NAV3: variants seen among roughly 807,000 people sequenced by gnomAD.
The protein encoded by NAV3 is pore membrane and/or filament interacting like protein 1.
Under a neutral mutation model 244.7 loss-of-function variants are expected in NAV3, and 87 were observed. The observed-to-expected ratio is 0.36, with a 90% CI of 0.30 to 0.42. The LOEUF (loss-of-function observed/expected upper bound fraction) is 0.42, where lower values mean the gene tolerates loss of function less well. Among genes scored for constraint, NAV3 ranks in the 20% least tolerant of loss-of-function variants. The pLI is 1.00. For missense variants in NAV3, 2,663 were observed against 2,893.3 expected (o/e 0.92, Z 1.83); for synonymous variants, 1,126 against 1,042.2 (o/e 1.08, Z -1.55).
chr12:78,094,462 T>C (rs17224015), intron 12 of NAV3, among the ~76,000 whole-genome samples: 19,589 of 152,176 alleles, frequency 0.13, 1,252 homozygotes, highest in Non-Finnish European at 0.13. Flanking sequence ...GCCAAAAAAT[T>C]GTACTTTGTA....
chr12:77,997,237 CAAAA>C (rs139557569), intron 6 of NAV3, among the ~76,000 whole-genome samples: 37 of 78,708 alleles, frequency 4.7e-4, no homozygotes, highest in East Asian at 1.4e-3. Context: ...CACCCTGTCT[CAAAA>C]AAAAAAAAAA....
intron 2 of NAV3, among the ~76,000 whole-genome samples, chr12:77,764,867 T>G (rs1264067707): frequency 6.6e-6 from 1 of 152,242 alleles, no homozygotes; most frequent in Non-Finnish European, 1.5e-5. Context: ...ACTATCCCAG[T>G]TCGTGTAACA....
intron 18 of NAV3, among the ~76,000 whole-genome samples, chr12:78,135,522 G>A (rs1956335124): frequency 6.6e-6 from 1 of 152,098 alleles, no homozygotes; most frequent in African/African-American, 2.4e-5. Flanking sequence ...ATTATACAAA[G>A]CCAAAAAGCA....
At chr12:77,836,415 T>G (rs1874643188) in intron 1 of NAV3, among the ~76,000 whole-genome samples, 1 of 152,220 alleles carries the variant, frequency 6.6e-6, no homozygotes. Context: ...AGATTACTTG[T>G]GCAAACTCAA....
chr12:77,941,049 T>C (rs755403782), intron 2 of NAV3, 32 bp from the exon 3 acceptor site: 54 of 1,437,810 alleles, frequency 3.8e-5, no homozygotes, highest in Non-Finnish European at 4.9e-5. Flanking sequence ...TCGTTCTTTT[T>C]TTCTCTCTTT....
intron 7 of NAV3, among the ~76,000 whole-genome samples, chr12:78,003,875 G>A (rs1593250695): frequency 6.6e-6 from 1 of 152,332 alleles, no homozygotes; most frequent in African/African-American, 2.4e-5. Flanking sequence ...TGCTAAAGAA[G>A]AAGGTATATA....
chr12:78,116,953 C>T (rs1188889179), intron 13 of NAV3, 49 bp downstream of exon 13: 2 of 1,597,954 alleles, frequency 1.3e-6, no homozygotes, highest in Non-Finnish European at 1.7e-6. Context: ...AGCTTTTTCC[C>T]CAAAATTACT....
At chr12:77,704,359 GTTT>G (rs890900176) in intron 2 of NAV3, among the ~76,000 whole-genome samples, 2 of 152,070 alleles carry the variant, frequency 1.3e-5, no homozygotes, top group Non-Finnish European at 2.9e-5. Context: ...CCAATCTGAA[GTTT>G]TTAAGATATT....
chr12:77,656,059 G>A (rs1035816952), intron 2 of NAV3, among the ~76,000 whole-genome samples: 2 of 151,118 alleles, frequency 1.3e-5, no homozygotes, highest in Non-Finnish European at 2.9e-5. Flanking sequence ...CTAACGAGCA[G>A]AATAACCAGC....
chr12:78,149,041 G>T (rs904894482), intron 22 of NAV3, 122 bp downstream of exon 22: 2 of 788,232 alleles, frequency 2.5e-6, no homozygotes, highest in Non-Finnish European at 4.0e-6. Context: ...CAACTAGCAG[G>T]ACTCATAAAA....
At chr12:77,956,531 A>G (rs1429226533) in intron 3 of NAV3, among the ~76,000 whole-genome samples, 1 of 152,124 alleles carries the variant, frequency 6.6e-6, no homozygotes, top group Non-Finnish European at 1.5e-5. Context: ...ACATTGTAGC[A>G]GGGTTTGAGT....
intron 1 of NAV3, among the ~76,000 whole-genome samples, chr12:77,849,418 T>C (rs1422969209): frequency 6.6e-6 from 1 of 152,128 alleles, no homozygotes; most frequent in Non-Finnish European, 1.5e-5. Context: ...ATCCAAAAAT[T>C]CAAAATCTGA....
At chr12:77,899,851 T>A (rs919964820) in intron 1 of NAV3, among the ~76,000 whole-genome samples, 2 of 152,194 alleles carry the variant, frequency 1.3e-5, no homozygotes, top group Non-Finnish European at 2.9e-5. Context: ...ACATATTTCT[T>A]TTTTCCTTAA....
intron 14 of NAV3, 29 bp from the exon 15 acceptor site, chr12:78,119,208 C>A: frequency 6.3e-7 from 1 of 1,585,606 alleles, no homozygotes; most frequent in Non-Finnish European, 8.6e-7. Flanking sequence ...TCTACAGGCA[C>A]ATATATTTGT....
chr12:77,615,063 GTA>G (rs1426088833), intron 2 of NAV3, among the ~76,000 whole-genome samples: 1 of 152,058 alleles, frequency 6.6e-6, no homozygotes, highest in Non-Finnish European at 1.5e-5. Context: ...CTTTTTCTTT[GTA>G]TGTATAATGT....
chr12:78,084,222 T>C (rs1953507259), intron 12 of NAV3, among the ~76,000 whole-genome samples: 2 of 152,244 alleles, frequency 1.3e-5, no homozygotes, highest in South Asian at 4.1e-4. Context: ...TCAGTTAGCA[T>C]GTTTACAGCT....
At chr12:77,891,831 T>C (rs1390612306) in intron 1 of NAV3, among the ~76,000 whole-genome samples, 1 of 152,198 alleles carries the variant, frequency 6.6e-6, no homozygotes, top group Non-Finnish European at 1.5e-5. Context: ...TCATCTTAAG[T>C]GCTGGCTCCC....
chr12:78,128,267 T>TAAA (rs33971273), intron 17 of NAV3, among the ~76,000 whole-genome samples: 13,277 of 142,400 alleles, frequency 0.093, 682 homozygotes, highest in East Asian at 0.25. Flanking sequence ...GTTTTTCCTT[T>TAAA]AAAAAAAAAA....
chr12:78,178,403 C>A (rs1232472168), intron 28 of NAV3, among the ~76,000 whole-genome samples: 1 of 151,988 alleles, frequency 6.6e-6, no homozygotes, highest in Non-Finnish European at 1.5e-5. Context: ...TCAAGTGATT[C>A]ACCCACCTCG....
Sources: gnomAD v4.1 joint callset for allele counts (sites outside exome capture counted in the v4.1 genomes callset) on GRCh38, gnomAD v4.1.1 for gene constraint, MANE v1.5 for transcripts, NCBI Gene and HGNC (gene_info 2026-07-23, HGNC 2026-07-21) for gene names.